TTC17: variants seen among roughly 807,000 people sequenced by gnomAD.
The protein encoded by TTC17 is tetratricopeptide repeat domain 17.
TTC17 carries 58 observed loss-of-function variants against 143.8 expected under a neutral mutation model. The observed-to-expected ratio is 0.40, with a 90% CI of 0.33 to 0.50. TTC17 has a LOEUF of 0.50. TTC17 is among the 20% of genes least tolerant of loss of function. The pLI is 0.49. For missense variants in TTC17, 1,273 were observed against 1,392.5 expected (o/e 0.91, Z 1.37); for synonymous variants, 501 against 497.8 (o/e 1.01, Z -0.09).
intron 16 of TTC17, chr11:43,436,229 T>G (rs778416617): frequency 6.7e-7 from 1 of 1,485,386 alleles, no homozygotes; most frequent in South Asian, 1.3e-5. Context: ...CAACTCACAG[T>G]CACTGGATGC....
intron 21 of TTC17, among the ~76,000 whole-genome samples, chr11:43,484,761 A>G (rs1309610211): frequency 1.3e-5 from 2 of 152,176 alleles, no homozygotes; most frequent in Non-Finnish European, 2.9e-5. Context: ...AAGGCCAGAA[A>G]TAGACTCGAA....
At chr11:43,414,564 T>A in intron 15 of TTC17, 26 bp from the exon 16 acceptor site, 1 of 1,584,418 alleles carries the variant, frequency 6.3e-7, no homozygotes, top group Non-Finnish European at 8.6e-7. Flanking sequence ...TTCATTAACA[T>A]TTTGCCGATT....
At chr11:43,377,968 A>G (rs2134474862) in intron 1 of TTC17, among the ~76,000 whole-genome samples, 1 of 152,210 alleles carries the variant, frequency 6.6e-6, no homozygotes, top group East Asian at 1.9e-4. Context: ...CGTTGGCGCA[A>G]TCTCAGGTCA....
intron 21 of TTC17, among the ~76,000 whole-genome samples, chr11:43,477,392 T>A (rs548314460): frequency 6.6e-6 from 1 of 152,300 alleles, no homozygotes; most frequent in South Asian, 2.1e-4. Context: ...TAGTACCAAT[T>A]TACTGTATTA....
intron 16 of TTC17, among the ~76,000 whole-genome samples, chr11:43,426,586 G>A (rs184128940): frequency 1.6e-4 from 25 of 152,242 alleles, no homozygotes; most frequent in African/African-American, 5.8e-4. Context: ...GGACTTCAGC[G>A]GGATTTTTTA....
In TTC17 at chr11:43,443,481, A is replaced by T; in HGVS notation, c.2408A>T (p.Asp803Val). The change falls in exon 17 of 24, where the codon GAC (aspartate) becomes GTC (valine). Residue 803 changes from aspartate (D) to valine (V), a missense_variant. Around this residue, in one of 3 missense-constraint regions of TTC17, gnomAD observed 878 missense variants for 899.8 expected, o/e 0.98. Transcript: ENST00000039989. Reference protein sequence around the residue: ...GALEMKGRRLDLQGIRVLKKG... With the variant: ...GALEMKGRRLVLQGIRVLKKG... ...CTAGAGATGAAAGGGCGGCGTCTAG[A>T]CTTACAAGGAATACGGGTGCTGAAG... 6.2e-7 allele frequency: 1 copy of T among 1,614,176 alleles called. No individual in the cohort carries two copies. The highest frequency in any genetic ancestry group is 8.5e-7 in the Non-Finnish European group (1 of 1,180,018).
chr11:43,420,019 G>C (rs1254934780), intron 16 of TTC17, among the ~76,000 whole-genome samples: 1 of 152,192 alleles, frequency 6.6e-6, no homozygotes, highest in Admixed American at 6.5e-5. Context: ...GTCTAAATCT[G>C]TATATTTCTT....
At chr11:43,474,928 C>A (rs1258547547) in intron 21 of TTC17, among the ~76,000 whole-genome samples, 1 of 152,092 alleles carries the variant, frequency 6.6e-6, no homozygotes, top group Non-Finnish European at 1.5e-5. Flanking sequence ...TTCATTCTCA[C>A]CATCTTCATG....
chr11:43,461,410 A>AC (rs1947865337), intron 21 of TTC17, among the ~76,000 whole-genome samples: 1 of 150,838 alleles, frequency 6.6e-6, no homozygotes, highest in African/African-American at 2.4e-5. Context: ...AAAAAAAAAA[A>AC]AAAAAACTAG....
chr11:43,402,059 T>G (rs2134572460), intron 10 of TTC17, among the ~76,000 whole-genome samples: 1 of 152,052 alleles, frequency 6.6e-6, no homozygotes, highest in South Asian at 2.1e-4. Flanking sequence ...TGATTATCTG[T>G]TATGTTGTTA....
At chr11:43,386,445 G>C (rs1231818410) in intron 2 of TTC17, among the ~76,000 whole-genome samples, 5 of 152,162 alleles carry the variant, frequency 3.3e-5, no homozygotes, top group African/African-American at 1.2e-4. Flanking sequence ...AAAAGGTACA[G>C]TAAAAATGTG....
At chr11:43,435,934 C>T (rs1217496688) in intron 16 of TTC17, among the ~76,000 whole-genome samples, 1 of 152,182 alleles carries the variant, frequency 6.6e-6, no homozygotes, top group East Asian at 1.9e-4. Flanking sequence ...TTTTTCTCCT[C>T]CTAAATACTT....
chr11:43,375,552 C>A (rs1856731097), intron 1 of TTC17, among the ~76,000 whole-genome samples: 1 of 151,922 alleles, frequency 6.6e-6, no homozygotes, highest in African/African-American at 2.4e-5. Context: ...ATGAGAATGG[C>A]ATAATTTAAG....
Position 43,443,396 on chromosome 11 carries a change from A to G in TTC17, c.2323A>G (p.Ile775Val). The G allele has an allele frequency of 6.2e-7, 1 of 1,614,146 alleles. No homozygotes were observed. Reference protein sequence around the residue: ...NSDETKMSEEILALVDEFQQA... With the variant: ...NSDETKMSEEVLALVDEFQQA... ...AGATGAAACCAAAATGTCAGAAGAA[A>G]TACTGGCTTTGGTGGATGAATTTCA... The change falls in exon 17 of 24, where the codon ATA becomes GTA. Residue 775 changes from isoleucine to valine, a missense_variant. Physicochemically the swap from Ile to Val is conservative, Grantham distance 29. Coordinates refer to ENST00000039989, the MANE Select transcript of TTC17 (RefSeq NM_018259.6).
chr11:43,443,695 C>G, intron 17 of TTC17, 111 bp downstream of exon 17: 1 of 1,337,600 alleles, frequency 7.5e-7, no homozygotes, highest in Non-Finnish European at 1.0e-6. Context: ...TGGCTATGCA[C>G]TCCAGGACAG....
chr11:43,453,208 C>T (rs1053864813), intron 21 of TTC17, among the ~76,000 whole-genome samples: 2 of 151,850 alleles, frequency 1.3e-5, no homozygotes, highest in Non-Finnish European at 2.9e-5. Flanking sequence ...TTGAAGATAA[C>T]ATGTTAGAAA....
chr11:43,453,413 T>G (rs992007658), intron 21 of TTC17, among the ~76,000 whole-genome samples: 1 of 151,696 alleles, frequency 6.6e-6, no homozygotes, highest in Non-Finnish European at 1.5e-5. Context: ...TATAATCAGA[T>G]TTTTCAACAG....
intron 13 of TTC17, among the ~76,000 whole-genome samples, chr11:43,406,900 C>T (rs1858165091): frequency 6.6e-6 from 1 of 152,134 alleles, no homozygotes; most frequent in African/African-American, 2.4e-5. Context: ...TGGTAGGTTA[C>T]TTTAATGTGT....
At chr11:43,440,232 A>G (rs1947386481) in intron 16 of TTC17, among the ~76,000 whole-genome samples, 1 of 119,828 alleles carries the variant, frequency 8.3e-6, no homozygotes, top group African/African-American at 3.3e-5. Context: ...ATTCTTGTCT[A>G]GACTGTAAGT....
Sources: allele counts gnomAD v4.1 joint callset (sites outside exome capture counted in the v4.1 genomes callset), GRCh38; gene constraint gnomAD v4.1.1; regional missense constraint gnomAD v4.1.1; transcripts MANE v1.5; gene names NCBI Gene and HGNC (gene_info 2026-07-23, HGNC 2026-07-21).